CIRSR: variants seen among roughly 807,000 people sequenced by gnomAD.
The protein encoded by CIRSR is CBF1 (RBPJ) interacting corepressor 1.
At chr2:174,351,749 A>G in the CIRSR span, 1 of 1,588,646 alleles carries the variant, frequency 6.3e-7, no homozygotes, top group Non-Finnish European at 8.6e-7. Context: ...TCACAGTTTG[A>G]ATGTATCATT....
At chr2:174,359,305 CTCTACATTTA>C in the CIRSR span, among the ~76,000 whole-genome samples, 1 of 141,990 alleles carries the variant, frequency 7.0e-6, no homozygotes. Context: ...CAAATTCAAA[CTCTACATTTA>C]AGACCAGTGC....
the CIRSR span, among the ~76,000 whole-genome samples, chr2:174,364,355 C>G: frequency 7.9e-5 from 12 of 152,240 alleles, no homozygotes; most frequent in Non-Finnish European, 1.6e-4. Context: ...CTTTCATATG[C>G]TGGCGTTGAG....
chr2:174,389,104 T>C, the CIRSR span, among the ~76,000 whole-genome samples: 23 of 152,132 alleles, frequency 1.5e-4, no homozygotes, highest in Admixed American at 3.9e-4. Context: ...TAAATTGGTA[T>C]AGGTAGAATG....
the CIRSR span, among the ~76,000 whole-genome samples, chr2:174,374,304 C>T: frequency 1.3e-5 from 2 of 152,204 alleles, no homozygotes; most frequent in East Asian, 3.8e-4. Flanking sequence ...CTATTAGCTA[C>T]ATAATTTAAC....
the CIRSR span, chr2:174,380,527 CAT>C: frequency 1.2e-6 from 1 of 863,430 alleles, no homozygotes; most frequent in South Asian, 1.8e-5. Flanking sequence ...TAATTAAAAT[CAT>C]TAAAGATAAC....
the CIRSR span, among the ~76,000 whole-genome samples, chr2:174,370,216 T>C: frequency 6.6e-6 from 1 of 152,284 alleles, no homozygotes; most frequent in Admixed American, 6.5e-5. Flanking sequence ...TGTTTATTTA[T>C]TTACAAAAAG....
the CIRSR span, among the ~76,000 whole-genome samples, chr2:174,377,824 C>CAA: frequency 0.02 from 1,200 of 58,702 alleles, 65 homozygotes; most frequent in African/African-American, 0.054. Context: ...GACGCCATCT[C>CAA]AAAAAAAAAA....
the CIRSR span, among the ~76,000 whole-genome samples, chr2:174,394,211 T>C: frequency 6.6e-6 from 1 of 152,196 alleles, no homozygotes; most frequent in Non-Finnish European, 1.5e-5. Flanking sequence ...AAAGTTCCAG[T>C]AAAAAATTAT....
At chr2:174,380,477 CAA>C in the CIRSR span, among the ~76,000 whole-genome samples, 3 of 151,552 alleles carry the variant, frequency 2.0e-5, no homozygotes, top group Non-Finnish European at 4.4e-5. Context: ...GTATATAAAA[CAA>C]AAGACTATGA....
the CIRSR span, among the ~76,000 whole-genome samples, chr2:174,379,917 G>A: frequency 6.6e-6 from 1 of 151,642 alleles, no homozygotes; most frequent in Non-Finnish European, 1.5e-5. Context: ...TAGAGACAGG[G>A]TTTCACCATG....
At chr2:174,351,591 T>C in the CIRSR span, 4 of 1,562,690 alleles carry the variant, frequency 2.6e-6, no homozygotes, top group Non-Finnish European at 3.5e-6. Flanking sequence ...TATAGACATT[T>C]TCAGCTTACT....
the CIRSR span, among the ~76,000 whole-genome samples, chr2:174,354,412 TA>T: frequency 4.9e-5 from 4 of 81,064 alleles, no homozygotes; most frequent in African/African-American, 2.1e-4. Flanking sequence ...TTATATATTA[TA>T]TATAATATAT....
chr2:174,395,652 C>G, the CIRSR span: 2 of 1,614,150 alleles, frequency 1.2e-6, no homozygotes, highest in African/African-American at 1.3e-5. Flanking sequence ...AAAGCAGGGG[C>G]TAGATCTGTT....
chr2:174,373,828 C>CTGTG, the CIRSR span, among the ~76,000 whole-genome samples: 8,901 of 147,794 alleles, frequency 0.06, 814 homozygotes, highest in African/African-American at 0.21. Context: ...TACTATCCCC[C>CTGTG]TGTGTGTGTG....
chr2:174,370,330 G>A, the CIRSR span, among the ~76,000 whole-genome samples: 1 of 152,192 alleles, frequency 6.6e-6, no homozygotes, highest in Non-Finnish European at 1.5e-5. Context: ...GATTATGGGT[G>A]TGGGCCACCA....
At chr2:174,394,518 T>C in the CIRSR span, among the ~76,000 whole-genome samples, 1 of 152,198 alleles carries the variant, frequency 6.6e-6, no homozygotes, top group African/African-American at 2.4e-5. Context: ...GTGTAACTCT[T>C]GGCAAATTTG....
At chr2:174,375,607 C>CA in the CIRSR span, among the ~76,000 whole-genome samples, 1 of 151,318 alleles carries the variant, frequency 6.6e-6, no homozygotes, top group Admixed American at 6.6e-5. Flanking sequence ...GACACCGTCT[C>CA]AAAAAAAACC....
At chr2:174,388,290 C>T in the CIRSR span, among the ~76,000 whole-genome samples, 2 of 152,206 alleles carry the variant, frequency 1.3e-5, no homozygotes, top group Non-Finnish European at 1.5e-5. Context: ...CCTCTTCCTC[C>T]CAGGTTGAAG....
At chr2:174,391,873 A>T in the CIRSR span, among the ~76,000 whole-genome samples, 1 of 152,234 alleles carries the variant, frequency 6.6e-6, no homozygotes, top group Non-Finnish European at 1.5e-5. Context: ...AAGACCACAG[A>T]TTGCATGATT....
Sources: allele counts gnomAD v4.1 joint callset (sites outside exome capture counted in the v4.1 genomes callset), GRCh38; gene constraint gnomAD v4.1.1; transcripts MANE v1.5; gene names NCBI Gene and HGNC (gene_info 2026-07-23, HGNC 2026-07-21).